BNC2: variants seen among roughly 807,000 people sequenced by gnomAD.
BNC2 encodes basonuclin zinc finger protein 2, also known as zinc finger protein basonuclin-2.
Under a neutral mutation model 76.3 loss-of-function variants are expected in BNC2, and 20 were observed. That is an observed-to-expected ratio of 0.26 (90% CI 0.18 to 0.38). The LOEUF is 0.38. Ranked by LOEUF, BNC2 falls within the 10% of genes least tolerant of loss-of-function variation. The pLI, the probability that BNC2 is intolerant of heterozygous loss-of-function variation, is 1.00. For synonymous variants in BNC2, 582 were observed against 514.8 expected, an observed-to-expected ratio of 1.13 and a Z score of -1.77; for missense variants, 1,382 against 1,399.8, an observed-to-expected ratio of 0.99 and a Z score of 0.20.
chr9:16,543,641 T>C lies in BNC2; in HGVS notation c.669+8889A>G, dbSNP rs530720801. Among the ~76,000 whole-genome samples the C allele has an allele frequency of 1.1e-4, 17 of 152,354 alleles. No homozygotes were observed. The South Asian group carries it at 3.5e-3, about 32-fold the overall frequency. The stretch of plus-strand genomic sequence containing the variant: ...AAGAGTAAAGGGAGGAATATTTTCA[T>C]TTTAACTCTGAGCACAAAACATCAA... On this transcript the variant is annotated intron_variant, in intron 5 of 6. Coordinates refer to ENST00000380672, the MANE Select transcript of BNC2 (RefSeq NM_017637.6).
intron 1 of BNC2, among the ~76,000 whole-genome samples, chr9:16,767,625 G>C (rs1825733607): frequency 6.6e-6 from 1 of 152,088 alleles, no homozygotes; most frequent in South Asian, 2.1e-4. Flanking sequence ...TCTGCCAAGA[G>C]GTTCATATAT....
intron 5 of BNC2, among the ~76,000 whole-genome samples, chr9:16,504,027 C>T (rs998941762): frequency 3.9e-5 from 6 of 152,038 alleles, no homozygotes; most frequent in Admixed American, 2.6e-4. Context: ...TATAAACATA[C>T]CCAGCACCTA....
In BNC2 at chr9:16,451,114, A is replaced by G. The variant is rs72717008; in HGVS notation, c.670-13590T>C. On this transcript the variant is annotated intron_variant, in intron 5 of 6. Transcript: ENST00000380672. The stretch of plus-strand genomic sequence containing the variant: ...TGCCTTTTTACCTTTTGCTAATGAT[A>G]TATCTACTTTGCAGCCTGGGGAAAA... 2.9e-3 allele frequency among the ~76,000 whole-genome samples: 439 copies of G among 152,254 alleles called. 1 individual carries two copies. Among genetic ancestry groups the G allele is most frequent in the Non-Finnish European group, 5.1e-3 (344 of 68,028 alleles).
chr9:16,618,529 CT>C (rs1420477984), intron 3 of BNC2, among the ~76,000 whole-genome samples: 1 of 152,148 alleles, frequency 6.6e-6, no homozygotes, highest in Non-Finnish European at 1.5e-5. Flanking sequence ...GCAGCAAGAT[CT>C]GTAAATTTCA....
At chr9:16,620,992 C>T (rs556731232) in intron 3 of BNC2, among the ~76,000 whole-genome samples, 33 of 152,274 alleles carry the variant, frequency 2.2e-4, no homozygotes, top group African/African-American at 6.3e-4. Context: ...TATCTGGTTC[C>T]GCTGTTGTCA....
At chr9:16,695,099 T>C (rs931371625) in intron 3 of BNC2, among the ~76,000 whole-genome samples, 1 of 152,188 alleles carries the variant, frequency 6.6e-6, no homozygotes, top group Admixed American at 6.5e-5. Context: ...TGAACATACT[T>C]TACCCCTGAA....
At chr9:16,708,749 C>G (rs753794075) in intron 3 of BNC2, among the ~76,000 whole-genome samples, 2 of 151,646 alleles carry the variant, frequency 1.3e-5, no homozygotes, top group Admixed American at 6.6e-5. Flanking sequence ...AAAGGAAGAC[C>G]GAAGGAAAAA....
chr9:16,616,790 G>GGGAAGGAA (rs548575000), intron 3 of BNC2, among the ~76,000 whole-genome samples: 18 of 10,338 alleles, frequency 1.7e-3, no homozygotes, highest in African/African-American at 2.5e-3. Context: ...GGAGGAAGGA[G>GGGAAGGAA]GGAAGGAAGG....
intron 1 of BNC2, among the ~76,000 whole-genome samples, chr9:16,838,302 C>T (rs1198994014): frequency 6.6e-6 from 1 of 152,200 alleles, no homozygotes; most frequent in Non-Finnish European, 1.5e-5. Flanking sequence ...CACCTGCAAT[C>T]CCAGCACTTT....
chr9:16,461,258 T>C (rs1821573218), intron 5 of BNC2, among the ~76,000 whole-genome samples: 1 of 152,110 alleles, frequency 6.6e-6, no homozygotes, highest in Non-Finnish European at 1.5e-5. Flanking sequence ...ATCTCTTTGT[T>C]GGGGCTGTGT....
chr9:16,540,321 G>A (rs1818280384), intron 5 of BNC2, among the ~76,000 whole-genome samples: 1 of 151,928 alleles, frequency 6.6e-6, no homozygotes, highest in Non-Finnish European at 1.5e-5. Flanking sequence ...ATTTCCACTT[G>A]TGTATTGAAA....
intron 4 of BNC2, among the ~76,000 whole-genome samples, chr9:16,556,891 T>C (rs1429111648): frequency 3.3e-5 from 5 of 152,200 alleles, no homozygotes; most frequent in African/African-American, 1.2e-4. Context: ...CTAGATCATA[T>C]CGAGTCACCA....
chr9:16,676,841 T>C (rs1463918474), intron 3 of BNC2, among the ~76,000 whole-genome samples: 2 of 152,184 alleles, frequency 1.3e-5, no homozygotes, highest in East Asian at 3.9e-4. Context: ...CCTGTAAATA[T>C]TCACTAACAC....
At chr9:16,581,327 A>AG (rs1819624752) in intron 4 of BNC2, among the ~76,000 whole-genome samples, 1 of 152,202 alleles carries the variant, frequency 6.6e-6, no homozygotes, top group Admixed American at 6.5e-5. Context: ...TGGGAGGCCG[A>AG]GGCTGGCAGA....
chr9:16,489,925 T>G (rs1822239786), intron 5 of BNC2, among the ~76,000 whole-genome samples: 1 of 152,204 alleles, frequency 6.6e-6, no homozygotes, highest in Non-Finnish European at 1.5e-5. Context: ...TTACAAGAAC[T>G]TGATCAAGTT....
intron 5 of BNC2, among the ~76,000 whole-genome samples, chr9:16,509,670 A>G (rs1445515999): frequency 6.6e-6 from 1 of 152,238 alleles, no homozygotes; most frequent in East Asian, 1.9e-4. Flanking sequence ...GTTCCATACC[A>G]AAGTATAAGG....
chr9:16,586,486 T>C (rs937026107), intron 3 of BNC2, among the ~76,000 whole-genome samples: 1 of 152,162 alleles, frequency 6.6e-6, no homozygotes, highest in Non-Finnish European at 1.5e-5. Context: ...ATCTGGTCCT[T>C]TTTTCTAGTC....
intron 2 of BNC2, among the ~76,000 whole-genome samples, chr9:16,733,801 T>A (rs10810598): frequency 0.42 from 64,010 of 151,670 alleles, 18,121 homozygotes; most frequent in Non-Finnish European, 0.63. Flanking sequence ...AAAGAATCGC[T>A]TGAACTTGGG....
chr9:16,780,570 TA>T lies in BNC2; in HGVS notation c.4-42086del, dbSNP rs57645322. The stretch of plus-strand genomic sequence containing the variant: ...CTGGCGACAGGGCAAGACTCCGCCT[TA>T]AAAAAAAAAAATCTTAAGTAGGTGA... On this transcript the variant is annotated intron_variant, in intron 1 of 6. Coordinates refer to ENST00000380672, the MANE Select transcript of BNC2 (RefSeq NM_017637.6). 9.4e-3 allele frequency among the ~76,000 whole-genome samples: 1,390 copies of T among 147,440 alleles called. 21 individuals carry two copies. The highest frequency in any genetic ancestry group is 0.032 in the African/African-American group (1,299 of 40,608).
Sources: gnomAD v4.1 joint callset for allele counts (sites outside exome capture counted in the v4.1 genomes callset) on GRCh38, gnomAD v4.1.1 for gene constraint, MANE v1.5 for transcripts, NCBI Gene and HGNC (gene_info 2026-07-23, HGNC 2026-07-21) for gene names.